Variants in SOBP observed in about 807,000 individuals in gnomAD.
SOBP encodes the protein sine oculis-binding protein homolog.
Under a neutral mutation model 53.6 loss-of-function variants are expected in SOBP, and 4 were observed. That is an observed-to-expected ratio of 0.07 (90% CI 0.04 to 0.17). The LOEUF (loss-of-function observed/expected upper bound fraction) is 0.17, where lower values mean the gene tolerates loss of function less well. Among genes scored for constraint, SOBP ranks in the 10% least tolerant of loss-of-function variants. The pLI, the probability that SOBP is intolerant of heterozygous loss-of-function variation, is 1.00. For synonymous variants in SOBP, 584 were observed against 522.6 expected, an observed-to-expected ratio of 1.12 and a Z score of -1.60; for missense variants, 1,088 against 1,204.7, an observed-to-expected ratio of 0.90 and a Z score of 1.43.
intron 5 of SOBP, among the ~76,000 whole-genome samples, chr6:107,610,674 ATTGT>A (rs1407187413): frequency 6.6e-6 from 1 of 152,190 alleles, no homozygotes; most frequent in Non-Finnish European, 1.5e-5. Flanking sequence ...TCCAAACATG[ATTGT>A]TTGGCTGGTT....
intron 4 of SOBP, among the ~76,000 whole-genome samples, chr6:107,576,830 A>G (rs112387484): frequency 0.01 from 1,573 of 152,316 alleles, 30 homozygotes; most frequent in African/African-American, 0.036. Flanking sequence ...TACCCTGATT[A>G]TAGCATTTCT....
intron 4 of SOBP, among the ~76,000 whole-genome samples, chr6:107,574,100 C>T (rs902565867): frequency 2.6e-5 from 4 of 152,088 alleles, no homozygotes; most frequent in African/African-American, 4.8e-5. Context: ...TCTTTGGGGC[C>T]GCAATGACAC....
chr6:107,514,545 G>T (rs1165715675), intron 3 of SOBP: 1 of 152,158 alleles, frequency 6.6e-6, no homozygotes, highest in Middle Eastern at 3.2e-3. Context: ...ATTTTAGTGT[G>T]TTCTATCATT....
chr6:107,533,574 T>C lies in SOBP; in HGVS notation c.537T>C (p.Phe179=). The part of the protein sequence containing the change: ...EVKSFCSEKC[F]AACRRAYFKR... The stretch of plus-strand genomic sequence containing the variant: ...AAAGCTTCTGCAGCGAGAAGTGCTT[T>C]GCGGCCTGCCGACGAGCCTACTTCA... Residue 179 remains phenylalanine (F), a synonymous_variant, in exon 4 of 7, where the codon TTT becomes TTC. Transcript: ENST00000317357. 6.2e-7 allele frequency: 1 copy of C among 1,614,140 alleles called. No individual in the cohort carries two copies. Among genetic ancestry groups the C allele is most frequent in the Non-Finnish European group, 8.5e-7 (1 of 1,180,010 alleles).
intron 3 of SOBP, among the ~76,000 whole-genome samples, chr6:107,516,393 C>T (rs548197831): frequency 2.2e-4 from 33 of 151,072 alleles, no homozygotes; most frequent in Non-Finnish European, 3.4e-4. Flanking sequence ...ACCCAGGAGG[C>T]AGAAGTTGCA....
At chr6:107,510,490 T>C (rs974549528) in intron 3 of SOBP, 2 of 152,248 alleles carry the variant, frequency 1.3e-5, no homozygotes, top group Admixed American at 6.5e-5. Flanking sequence ...CAAATCTTAT[T>C]GCACATATAT....
chr6:107,616,857 A>G (rs1786811970), intron 5 of SOBP, among the ~76,000 whole-genome samples: 1 of 152,170 alleles, frequency 6.6e-6, no homozygotes, highest in African/African-American at 2.4e-5. Context: ...TAGAATCCCT[A>G]TTCCATTGAA....
intron 6 of SOBP, among the ~76,000 whole-genome samples, chr6:107,652,629 G>A (rs1306542807): frequency 6.6e-6 from 1 of 152,170 alleles, no homozygotes; most frequent in African/African-American, 2.4e-5. Flanking sequence ...TTCTATTGTG[G>A]GTAAAATGTT....
chr6:107,535,854 C>A (rs1380865722), intron 4 of SOBP, among the ~76,000 whole-genome samples: 1 of 152,104 alleles, frequency 6.6e-6, no homozygotes, highest in East Asian at 1.9e-4. Flanking sequence ...CTCCATCCTG[C>A]CATTTCTAAG....
intron 3 of SOBP, among the ~76,000 whole-genome samples, chr6:107,512,874 CT>C (rs1783211544): frequency 6.6e-6 from 1 of 152,172 alleles, no homozygotes; most frequent in African/African-American, 2.4e-5. Flanking sequence ...AGATCTGAGT[CT>C]TTTGACAGGT....
intron 6 of SOBP, among the ~76,000 whole-genome samples, chr6:107,656,303 G>A (rs199736286): frequency 3.5e-3 from 44 of 12,584 alleles, no homozygotes; most frequent in South Asian, 0.033. Context: ...AAGAAAGAAA[G>A]AAAGAAAGAA....
chr6:107,557,384 G>T (rs1238363496), intron 4 of SOBP, among the ~76,000 whole-genome samples: 5 of 152,162 alleles, frequency 3.3e-5, no homozygotes, highest in Non-Finnish European at 7.4e-5. Context: ...GGCTTGCTTT[G>T]TACAAGCAGA....
chr6:107,555,405 A>G (rs1273857363), intron 4 of SOBP, among the ~76,000 whole-genome samples: 1 of 152,198 alleles, frequency 6.6e-6, no homozygotes, highest in African/African-American at 2.4e-5. Flanking sequence ...AATCCTTGCC[A>G]AATCTGAGTA....
chr6:107,491,265 A>C (rs940882789), intron 1 of SOBP, among the ~76,000 whole-genome samples: 1 of 151,986 alleles, frequency 6.6e-6, no homozygotes, highest in African/African-American at 2.4e-5. Context: ...CACGGTCCTG[A>C]CCGCTCTCCT....
intron 5 of SOBP, among the ~76,000 whole-genome samples, chr6:107,597,929 G>T (rs1167079599): frequency 6.6e-6 from 1 of 152,236 alleles, no homozygotes; most frequent in Admixed American, 6.5e-5. Flanking sequence ...AAAAAACTGG[G>T]TATTTAATGT....
chr6:107,532,297 A>G (rs368319508), intron 3 of SOBP, among the ~76,000 whole-genome samples: 2 of 150,190 alleles, frequency 1.3e-5, no homozygotes, highest in African/African-American at 2.4e-5. Flanking sequence ...CACAGTCACT[A>G]TCAATTGGGA....
chr6:107,510,735 A>T (rs990559417), intron 3 of SOBP: 16 of 152,170 alleles, frequency 1.1e-4, no homozygotes, highest in Non-Finnish European at 2.9e-5. Context: ...GCTACTGTCA[A>T]TTTTCTAGCT....
At chr6:107,640,779 G>A (rs1771272132) in intron 6 of SOBP, among the ~76,000 whole-genome samples, 1 of 152,192 alleles carries the variant, frequency 6.6e-6, no homozygotes, top group Non-Finnish European at 1.5e-5. Flanking sequence ...ACTTTCAGAT[G>A]TACCCATAAC....
At chr6:107,556,669 A>T (rs934591630) in intron 4 of SOBP, among the ~76,000 whole-genome samples, 9 of 152,236 alleles carry the variant, frequency 5.9e-5, no homozygotes, top group African/African-American at 2.2e-4. Flanking sequence ...CCTAGTCTAT[A>T]AGCCTTGACT....
Sources: allele counts gnomAD v4.1 joint callset (sites outside exome capture counted in the v4.1 genomes callset), GRCh38; gene constraint gnomAD v4.1.1; transcripts MANE v1.5; gene names NCBI Gene and HGNC (gene_info 2026-07-23, HGNC 2026-07-21).